The following ARL13B variants were observed in gnomAD, a reference collection of about 807,000 sequenced individuals.
ARL13B encodes the protein ARF like GTPase 13B.
Under a neutral mutation model 56.1 loss-of-function variants are expected in ARL13B, and 36 were observed. The observed-to-expected ratio is 0.64, with a 90% CI of 0.49 to 0.85. ARL13B has a LOEUF of 0.85. Among genes scored for constraint, ARL13B ranks in the 40% least tolerant of loss-of-function variants. The probability of loss-of-function intolerance (pLI) is 0.00; values close to 1 mark genes in which losing one functional copy is unlikely to be tolerated. For missense variants in ARL13B, 519 were observed against 507.1 expected (o/e 1.02, Z -0.23); for synonymous variants, 178 against 171.1 (o/e 1.04, Z -0.32).
At chr3:94,006,346 A>G (rs2076134732) in intron 3 of ARL13B, among the ~76,000 whole-genome samples, 2 of 152,160 alleles carry the variant, frequency 1.3e-5, no homozygotes, top group Admixed American at 1.3e-4. Flanking sequence ...TGATATGTTT[A>G]TAAACACCTC....
At position 94,021,968 on chromosome 3, in the gene ARL13B, AC is replaced by A. The variant is rs570218044; in HGVS notation, c.381-13360del. On this transcript the variant is annotated intron_variant, in intron 3 of 9. Coordinates refer to ENST00000394222, the MANE Select transcript of ARL13B (RefSeq NM_001174150.2). Reference sequence around the variant, plus strand: ...CAAGGCTTCTAAAGATATATATCTGACCCTTACCTGCCGTACCACATCCCCT... The same window carrying A: ...CAAGGCTTCTAAAGATATATATCTGACCTTACCTGCCGTACCACATCCCCT... Among the ~76,000 whole-genome samples the A allele has an allele frequency of 6.8e-3, 1,037 of 151,996 alleles. 8 individuals are homozygous for A. The highest frequency in any genetic ancestry group is 0.024 in the African/African-American group (975 of 41,440).
At chr3:93,996,484 T>C (rs1160410982) in intron 2 of ARL13B, 1 of 232,194 alleles carries the variant, frequency 4.3e-6, no homozygotes, top group Non-Finnish European at 9.2e-6. Flanking sequence ...TTACATCTCA[T>C]TGAGTGTATC....
chr3:94,005,277 T>C (rs1411916395), intron 3 of ARL13B, among the ~76,000 whole-genome samples: 1 of 152,202 alleles, frequency 6.6e-6, no homozygotes, highest in African/African-American at 2.4e-5. Context: ...TTACATTATA[T>C]ATTAGATCAT....
chr3:94,007,548 A>G (rs1267888232), intron 3 of ARL13B, among the ~76,000 whole-genome samples: 3 of 152,176 alleles, frequency 2.0e-5, no homozygotes, highest in African/African-American at 2.4e-5. Context: ...CACTTCTTAC[A>G]TGGTGGTGGC....
chr3:94,022,326 A>G (rs1229474147), intron 3 of ARL13B, among the ~76,000 whole-genome samples: 1 of 151,976 alleles, frequency 6.6e-6, no homozygotes, highest in Non-Finnish European at 1.5e-5. Context: ...GGGTTTTACC[A>G]TGTTGGCCAG....
At chr3:93,998,970 T>G (rs1209662090) in intron 2 of ARL13B, among the ~76,000 whole-genome samples, 1 of 151,568 alleles carries the variant, frequency 6.6e-6, no homozygotes, top group Non-Finnish European at 1.5e-5. Flanking sequence ...AAAAGTTATC[T>G]GCTAGTTTCT....
chr3:94,046,596 G>A lies in ARL13B; in HGVS notation c.1025-2810G>A, dbSNP rs143929345. On this transcript the variant is annotated intron_variant, in intron 7 of 9. Transcript: ENST00000394222. ...TAGTCACTTGTTGGTGGGCATTCAG[G>A]TGTATACTGTTTTGGCTATTACAAA... 9.2e-3 allele frequency among the ~76,000 whole-genome samples: 1,390 copies of A among 151,884 alleles called. 16 individuals are homozygous for A. Among genetic ancestry groups the A allele is most frequent in the African/African-American group, 0.03 (1,227 of 41,372 alleles).
chr3:93,989,148 G>A (rs1302096671), intron 1 of ARL13B, among the ~76,000 whole-genome samples: 1 of 152,158 alleles, frequency 6.6e-6, no homozygotes, highest in East Asian at 1.9e-4. Context: ...CAGCCAATTT[G>A]ATATATATGG....
intron 3 of ARL13B, chr3:94,015,431 T>G (rs2076311121): frequency 5.7e-6 from 3 of 521,866 alleles, no homozygotes; most frequent in Non-Finnish European, 6.4e-6. Flanking sequence ...CCAATGAGTT[T>G]CCTCATAAAA....
intron 1 of ARL13B, among the ~76,000 whole-genome samples, chr3:93,990,542 A>G (rs1575932644): frequency 6.6e-6 from 1 of 152,184 alleles, no homozygotes; most frequent in African/African-American, 2.4e-5. Context: ...AGCCTGTCAC[A>G]TGAGGTCACG....
At chr3:94,044,493 G>T (rs2076940698) in intron 7 of ARL13B, among the ~76,000 whole-genome samples, 1 of 141,044 alleles carries the variant, frequency 7.1e-6, no homozygotes, top group African/African-American at 2.7e-5. Flanking sequence ...CCTCTGCCTG[G>T]CTGCCCCGTC....
At chr3:94,021,913 A>C (rs2076456360) in intron 3 of ARL13B, among the ~76,000 whole-genome samples, 1 of 152,162 alleles carries the variant, frequency 6.6e-6, no homozygotes, top group Non-Finnish European at 1.5e-5. Context: ...TTAATAATGC[A>C]TGTACACAGG....
chr3:94,032,243 C>T (rs1553843093), intron 3 of ARL13B, among the ~76,000 whole-genome samples: 2 of 152,078 alleles, frequency 1.3e-5, no homozygotes, highest in Admixed American at 6.6e-5. Flanking sequence ...GTGCAAAAGA[C>T]ATGAATAGTC....
chr3:94,001,014 G>A (rs1057389847), intron 2 of ARL13B, among the ~76,000 whole-genome samples: 5 of 152,138 alleles, frequency 3.3e-5, no homozygotes, highest in East Asian at 3.8e-4. Context: ...GTAGTATTGA[G>A]CCCTATATAC....
chr3:94,038,840 A>G (rs1477642622), intron 5 of ARL13B, among the ~76,000 whole-genome samples: 1 of 151,902 alleles, frequency 6.6e-6, no homozygotes, highest in African/African-American at 2.4e-5. Flanking sequence ...TCTTAATAAC[A>G]TTACTCATCA....
chr3:94,001,058 T>G (rs1193652713), intron 2 of ARL13B, among the ~76,000 whole-genome samples: 1 of 152,144 alleles, frequency 6.6e-6, no homozygotes, highest in East Asian at 1.9e-4. Context: ...AAAGACATAG[T>G]CCCATGTGTT....
chr3:94,002,999 A>T (rs1235856576), intron 2 of ARL13B, among the ~76,000 whole-genome samples: 1 of 152,100 alleles, frequency 6.6e-6, no homozygotes, highest in Admixed American at 6.6e-5. Flanking sequence ...TATTGTCATT[A>T]TCACTCCTTG....
At chr3:93,998,552 T>G (rs2107400614) in intron 2 of ARL13B, among the ~76,000 whole-genome samples, 1 of 152,328 alleles carries the variant, frequency 6.6e-6, no homozygotes, top group East Asian at 1.9e-4. Context: ...TTCTCTTTCC[T>G]TTATATTTTT....
intron 3 of ARL13B, among the ~76,000 whole-genome samples, chr3:94,034,492 T>C (rs548122484): frequency 1.3e-5 from 2 of 151,860 alleles, no homozygotes; most frequent in East Asian, 1.9e-4. Context: ...CCAGTTTGTC[T>C]CTAATTGAGT....
Sources: allele counts gnomAD v4.1 joint callset (sites outside exome capture counted in the v4.1 genomes callset), GRCh38; gene constraint gnomAD v4.1.1; transcripts MANE v1.5; gene names NCBI Gene and HGNC (gene_info 2026-07-23, HGNC 2026-07-21).